Variants in XPR1 observed in about 807,000 individuals in gnomAD.
XPR1 encodes the protein solute carrier family 53 member 1.
XPR1 carries 28 observed loss-of-function variants against 87.5 expected under a neutral mutation model. That is an observed-to-expected ratio of 0.32 (90% CI 0.24 to 0.44). XPR1 has a LOEUF of 0.44. XPR1 is among the 20% of genes least tolerant of loss of function. XPR1 has a pLI of 1.00. For missense variants in XPR1, 559 were observed against 862.3 expected (o/e 0.65, Z 4.41); for synonymous variants, 300 against 306.1 (o/e 0.98, Z 0.21).
At chr1:180,824,538 G>A (rs999895499) in intron 7 of XPR1, among the ~76,000 whole-genome samples, 6 of 152,180 alleles carry the variant, frequency 3.9e-5, no homozygotes, top group South Asian at 4.1e-4. Context: ...CCGAGATCAC[G>A]CCATTGCACT....
rs1653016919 is a variant in XPR1, at chr1:180,886,525, CT to C, written c.*2462del. ...GTTCTAGGCCCTAATCGGTCTTATT[CT>C]TTCACATATGATGCAATGATAGATG... is the stretch of plus-strand genomic sequence containing the variant. On this transcript the variant is annotated 3_prime_UTR_variant, in exon 15 of 15. Transcript: ENST00000367590. 2 of 152,296 alleles carry C rather than the reference CT, an allele frequency of 1.3e-5. No individual in the cohort carries two copies. Among genetic ancestry groups the C allele is most frequent in the Admixed American group, 1.3e-4 (2 of 15,298 alleles). The allele number at this position is 152,296 out of a possible 1,614,324, so 9.4% of individuals were successfully genotyped here.
At chr1:180,773,525 CTCTT>C (rs548744647) in intron 2 of XPR1, among the ~76,000 whole-genome samples, 6 of 152,272 alleles carry the variant, frequency 3.9e-5, no homozygotes, top group Admixed American at 2.6e-4. Flanking sequence ...TTTAGCATAA[CTCTT>C]TGTTATTAGA....
intron 1 of XPR1, among the ~76,000 whole-genome samples, chr1:180,652,051 G>A (rs1655311296): frequency 6.6e-6 from 1 of 152,158 alleles, no homozygotes; most frequent in African/African-American, 2.4e-5. Context: ...CAGCATTTTG[G>A]GAGGCCAAGG....
At chr1:180,712,956 T>C (rs76269832) in intron 2 of XPR1, among the ~76,000 whole-genome samples, 3 of 139,910 alleles carry the variant, frequency 2.1e-5, no homozygotes, top group Non-Finnish European at 3.1e-5. Flanking sequence ...TTTTTTTTTT[T>C]CAAAGTAGTT....
intron 11 of XPR1, among the ~76,000 whole-genome samples, chr1:180,852,367 G>A (rs1651890902): frequency 6.6e-6 from 1 of 152,086 alleles, no homozygotes; most frequent in Non-Finnish European, 1.5e-5. Flanking sequence ...CATTCATACA[G>A]TCAAGATACA....
intron 1 of XPR1, among the ~76,000 whole-genome samples, chr1:180,663,343 A>G (rs1655840650): frequency 6.6e-6 from 1 of 152,250 alleles, no homozygotes; most frequent in Non-Finnish European, 1.5e-5. Flanking sequence ...TGTTATCTGC[A>G]TTAGGGGGTT....
chr1:180,768,359 T>G (rs1330699802), intron 2 of XPR1, among the ~76,000 whole-genome samples: 2 of 152,222 alleles, frequency 1.3e-5, no homozygotes, highest in African/African-American at 4.8e-5. Flanking sequence ...AAATAAATGG[T>G]CAGAATTGAT....
chr1:180,763,002 GC>G (rs1648111473), intron 2 of XPR1, among the ~76,000 whole-genome samples: 1 of 152,066 alleles, frequency 6.6e-6, no homozygotes, highest in Non-Finnish European at 1.5e-5. Context: ...CGAATGACTT[GC>G]GTTCACTGGG....
chr1:180,713,122 C>T (rs1657862354), intron 2 of XPR1, among the ~76,000 whole-genome samples: 2 of 151,778 alleles, frequency 1.3e-5, no homozygotes. Flanking sequence ...ATCTTTCAAC[C>T]TGAGAGTAAG....
At chr1:180,683,642 T>C (rs1656664643) in intron 2 of XPR1, among the ~76,000 whole-genome samples, 1 of 152,234 alleles carries the variant, frequency 6.6e-6, no homozygotes, top group Non-Finnish European at 1.5e-5. Context: ...TTCCTGACTT[T>C]TTAATGATCA....
At chr1:180,781,288 G>A (rs2102079554) in intron 2 of XPR1, among the ~76,000 whole-genome samples, 1 of 151,880 alleles carries the variant, frequency 6.6e-6, no homozygotes, top group Non-Finnish European at 1.5e-5. Flanking sequence ...TGTTGGGTAT[G>A]TCGTCTATAC....
intron 1 of XPR1, among the ~76,000 whole-genome samples, chr1:180,649,820 G>A (rs1436017140): frequency 2.0e-5 from 3 of 152,124 alleles, no homozygotes; most frequent in Non-Finnish European, 4.4e-5. Flanking sequence ...ATAGTATAGC[G>A]AGGATGGAGG....
intron 11 of XPR1, among the ~76,000 whole-genome samples, chr1:180,837,565 A>T (rs1045768063): frequency 2.0e-5 from 3 of 152,210 alleles, no homozygotes; most frequent in African/African-American, 7.2e-5. Context: ...GTCATAAAAG[A>T]TCAGAACATT....
chr1:180,876,019 T>G (rs961704686), intron 13 of XPR1, among the ~76,000 whole-genome samples: 2 of 152,042 alleles, frequency 1.3e-5, no homozygotes, highest in African/African-American at 4.8e-5. Context: ...TTAAAGAAAT[T>G]AAATTCATGT....
At chr1:180,721,242 G>C (rs913283887) in intron 2 of XPR1, among the ~76,000 whole-genome samples, 2 of 151,318 alleles carry the variant, frequency 1.3e-5, no homozygotes, top group Non-Finnish European at 2.9e-5. Flanking sequence ...AAAAAATCTA[G>C]AAGGAAATTC....
chr1:180,857,261 G>C (rs1652067935), intron 11 of XPR1, among the ~76,000 whole-genome samples: 1 of 152,110 alleles, frequency 6.6e-6, no homozygotes, highest in Non-Finnish European at 1.5e-5. Context: ...AATACTGTCT[G>C]AAGGAATTTT....
At chr1:180,812,698 G>T (rs948355972) in intron 7 of XPR1, among the ~76,000 whole-genome samples, 2 of 150,188 alleles carry the variant, frequency 1.3e-5, no homozygotes, top group Non-Finnish European at 3.0e-5. Context: ...GCCAGGTCTG[G>T]GGTGCAGTGG....
At chr1:180,719,649 T>C (rs901178376) in intron 2 of XPR1, among the ~76,000 whole-genome samples, 3 of 152,222 alleles carry the variant, frequency 2.0e-5, no homozygotes, top group Non-Finnish European at 2.9e-5. Flanking sequence ...CAGAGTGATA[T>C]TTAGATACAT....
At position 180,649,348 on chromosome 1, in the gene XPR1, C is replaced by T. The variant is rs545378452; in HGVS notation, c.69+17078C>T. ...TCGGGAGGCTGAGGCACGAGAATGG[C>T]GTGAACCCGGAGGCGGAGCTTGCAG... On this transcript the variant is annotated intron_variant, in intron 1 of 14. Coordinates refer to ENST00000367590, the MANE Select transcript of XPR1 (RefSeq NM_004736.4). Among the ~76,000 whole-genome samples the T allele has an allele frequency of 7.3e-4, 111 of 152,054 alleles. 2 individuals are homozygous for T. Among genetic ancestry groups the T allele is most frequent in the African/African-American group, 2.5e-3 (105 of 41,464 alleles).
Sources: gnomAD v4.1 joint callset for allele counts (sites outside exome capture counted in the v4.1 genomes callset) on GRCh38, gnomAD v4.1.1 for gene constraint, MANE v1.5 for transcripts, NCBI Gene and HGNC (gene_info 2026-07-23, HGNC 2026-07-21) for gene names.